The following PKNOX1 variants were observed in gnomAD, a reference collection of about 807,000 sequenced individuals.
PKNOX1 encodes the protein homeobox protein PKNOX1.
In PKNOX1, 15 loss-of-function variants were observed where a neutral mutation model predicts 51.9. The observed-to-expected ratio is 0.29, with a 90% CI of 0.19 to 0.45. PKNOX1 has a LOEUF of 0.45. Ranked by LOEUF, PKNOX1 falls within the 20% of genes least tolerant of loss-of-function variation. The pLI is 1.00. For synonymous variants in PKNOX1, 219 were observed against 211.1 expected (o/e 1.04, Z -0.32); for missense variants, 462 against 547.5 (o/e 0.84, Z 1.56).
At chr21:43,023,745 G>T (rs1017958422) in intron 8 of PKNOX1, among the ~76,000 whole-genome samples, 9 of 151,982 alleles carry the variant, frequency 5.9e-5, no homozygotes, top group Middle Eastern at 3.4e-3. Flanking sequence ...CTCCCGAATA[G>T]CTGGGACTAC....
chr21:42,987,404 A>AAATATAT, intron 1 of PKNOX1, among the ~76,000 whole-genome samples: 34 of 41,408 alleles, frequency 8.2e-4, no homozygotes, highest in Admixed American at 6.1e-4. Context: ...AAAAAAAAAA[A>AAATATAT]ATATATATAT....
At chr21:42,976,352 G>T (rs4920019) in intron 1 of PKNOX1, among the ~76,000 whole-genome samples, 136,232 of 152,260 alleles carry the variant, frequency 0.89, 61,070 homozygotes, top group Non-Finnish European at 0.91. Flanking sequence ...TTGACAATCT[G>T]GCCTCAGTGT....
At chr21:42,975,128 C>A (rs1423367088) in intron 1 of PKNOX1, among the ~76,000 whole-genome samples, 6 of 142,660 alleles carry the variant, frequency 4.2e-5, no homozygotes, top group African/African-American at 1.3e-4. Flanking sequence ...GGGGCCGGGG[C>A]GGGCGGCGCG....
At chr21:43,015,779 T>C (rs1979463453) in intron 5 of PKNOX1, among the ~76,000 whole-genome samples, 1 of 152,214 alleles carries the variant, frequency 6.6e-6, no homozygotes, top group Non-Finnish European at 1.5e-5. Flanking sequence ...TAGTGATCTC[T>C]TCCTGTTTTA....
intron 1 of PKNOX1, among the ~76,000 whole-genome samples, chr21:42,995,901 T>C (rs543605660): frequency 6.6e-6 from 1 of 152,232 alleles, no homozygotes; most frequent in African/African-American, 2.4e-5. Context: ...CATCTATTCA[T>C]TTATGTATTT....
chr21:43,000,070 A>G (rs1021281903), intron 1 of PKNOX1, among the ~76,000 whole-genome samples: 2 of 151,828 alleles, frequency 1.3e-5, no homozygotes, highest in African/African-American at 4.8e-5. Context: ...CCTGGACTTT[A>G]CTGTTCATAT....
chr21:42,992,738 C>A (rs13046560), intron 1 of PKNOX1, among the ~76,000 whole-genome samples: 1 of 143,350 alleles, frequency 7.0e-6, no homozygotes, highest in Non-Finnish European at 1.6e-5. Flanking sequence ...GGTTCCCTCA[C>A]AGCACTGGGG....
chr21:42,986,575 G>A (rs145803079), intron 1 of PKNOX1, among the ~76,000 whole-genome samples: 9 of 152,296 alleles, frequency 5.9e-5, no homozygotes, highest in African/African-American at 2.2e-4. Flanking sequence ...ACATCTCTTT[G>A]GAATAGGAGC....
rs186530628 is a variant in PKNOX1, at chr21:43,000,504, A to G, written c.-56-3822A>G. On this transcript the variant is annotated intron_variant, in intron 1 of 10. Transcript: ENST00000291547. Reference sequence around the variant, plus strand: ...AGATCTCATGTGAGACTTATTCACTATCAGGAGAACAACATGGGAAAGACT... The same window carrying G: ...AGATCTCATGTGAGACTTATTCACTGTCAGGAGAACAACATGGGAAAGACT... 4.6e-5 allele frequency among the ~76,000 whole-genome samples: 7 copies of G among 152,336 alleles called. No individual in the cohort carries two copies. In the East Asian group the frequency reaches 9.6e-4, roughly 21 times the overall value.
chr21:43,030,403 G>A lies in PKNOX1; in HGVS notation c.*302G>A. ...CACCTTGAATCCCTAATTAGATTAA[G>A]GAATAGCGCTGCCATTTTCTAAACC... On this transcript the variant is annotated 3_prime_UTR_variant, in exon 11 of 11. Coordinates refer to ENST00000291547, the MANE Select transcript of PKNOX1 (RefSeq NM_004571.5). 1 of 225,264 alleles carries A rather than the reference G, an allele frequency of 4.4e-6. No homozygotes were observed. The highest frequency in any genetic ancestry group is 8.6e-6 in the Non-Finnish European group (1 of 116,256). The allele number at this position is 225,264 out of a possible 1,614,324, so 14.0% of individuals were successfully genotyped here.
In PKNOX1 at chr21:43,032,023, G is replaced by T. The variant is rs1302153403; in HGVS notation, c.*1922G>T. ...ATTACAGGCATGCGCCACCACACCC[G>T]GCTAATTTTGTATTTTTAGTAGAGA... On this transcript the variant is annotated 3_prime_UTR_variant, in exon 11 of 11. Coordinates refer to ENST00000291547, the MANE Select transcript of PKNOX1 (RefSeq NM_004571.5). 1 of 369,656 alleles carries T rather than the reference G, an allele frequency of 2.7e-6. No individual in the cohort carries two copies. Among genetic ancestry groups the T allele is most frequent in the Admixed American group, 3.4e-5 (1 of 29,732 alleles). The allele number at this position is 369,656 out of a possible 1,614,324, so 22.9% of individuals were successfully genotyped here.
chr21:43,018,162 G>A lies in PKNOX1; in HGVS notation c.652G>A (p.Val218Ile), dbSNP rs377090331. ...GGTVYQPVTV[V>I]TPQGQVVTQT... ...CACAGTGTATCAGCCTGTCACGGTC[G>A]TCACTCCCCAAGGCCAAGTGGTCAC... The change falls in exon 7 of 11, where the codon GTC (valine) becomes ATC (isoleucine). Residue 218 changes from valine (V) to isoleucine (I), a missense_variant. Physicochemically the swap from Val to Ile is conservative, Grantham distance 29 (BLOSUM62 3). Transcript: ENST00000291547. 2.2e-5 allele frequency: 35 copies of A among 1,612,350 alleles called. No homozygotes were observed. Among genetic ancestry groups the A allele is most frequent in the Middle Eastern group, 3.3e-4 (2 of 6,078 alleles).
rs117163026 is a variant in PKNOX1 at position 42,980,902 on chromosome 21, C to T, written c.-57+6238C>T. On this transcript the variant is annotated intron_variant, in intron 1 of 10. Coordinates refer to ENST00000291547, the MANE Select transcript of PKNOX1 (RefSeq NM_004571.5). ...TTTTGCCTTTTATCATTCATGTTCA[C>T]AAATACCAAGTTGATTTACTCTCAG... Among the ~76,000 whole-genome samples the T allele has an allele frequency of 1.8e-4, 27 of 152,318 alleles. 1 individual carries two copies. In the East Asian group the frequency reaches 5.0e-3, roughly 28 times the overall value.
At chr21:42,985,177 A>G (rs963891128) in intron 1 of PKNOX1, among the ~76,000 whole-genome samples, 4 of 151,460 alleles carry the variant, frequency 2.6e-5, no homozygotes, top group African/African-American at 4.9e-5. Flanking sequence ...CAGTAGAGAC[A>G]GGTTTCACCA....
chr21:43,032,472 G>T lies in PKNOX1; in HGVS notation c.*2371G>T. 1.5e-5 allele frequency: 4 copies of T among 272,524 alleles called. No homozygotes were observed. Among genetic ancestry groups the T allele is most frequent in the South Asian group, 1.1e-4 (3 of 27,994 alleles). The allele number at this position is 272,524 out of a possible 1,614,324, so 16.9% of individuals were successfully genotyped here. ...GATTGAATTTAAGAGTGCTGCCCCTGCCCGGCGCAGTAGGGCGTGCCTCTA... is the reference window on the plus strand; with the variant it reads ...GATTGAATTTAAGAGTGCTGCCCCTTCCCGGCGCAGTAGGGCGTGCCTCTA... On this transcript the variant is annotated 3_prime_UTR_variant, in exon 11 of 11. Transcript: ENST00000291547.
At chr21:43,007,881 T>C (rs1601289999) in intron 3 of PKNOX1, among the ~76,000 whole-genome samples, 1 of 152,056 alleles carries the variant, frequency 6.6e-6, no homozygotes, top group East Asian at 1.9e-4. Flanking sequence ...CTGGCCAACA[T>C]GGTGAAACTC....
rs1980230807 is a variant in PKNOX1, at chr21:43,030,782, G to A, written c.*681G>A. On this transcript the variant is annotated 3_prime_UTR_variant, in exon 11 of 11. Coordinates refer to ENST00000291547, the MANE Select transcript of PKNOX1 (RefSeq NM_004571.5). ...TCTAGAGAAGAAACAATACATGCTT[G>A]CTATTAATATTTCAATTTGGAATGT... 1 of 152,318 alleles carries A rather than the reference G, an allele frequency of 6.6e-6. No homozygotes were observed. The highest frequency in any genetic ancestry group is 2.1e-4 in the South Asian group (1 of 4,834). The allele number at this position is 152,318 out of a possible 1,614,324, so 9.4% of individuals were successfully genotyped here. A position where few individuals can be genotyped will look rare whatever the true frequency, so the allele number is the denominator to read the frequency against.
Position 43,013,251 on chromosome 21 carries a change from G to C in PKNOX1, c.522+13G>C. ...AGTGCAGTCCCAGGTACTTACATTT[G>C]GGGGTCTCGCTTTCCCTCTCTGCCA... On this transcript the variant is annotated intron_variant, in intron 5 of 10. Coordinates refer to ENST00000291547, the MANE Select transcript of PKNOX1 (RefSeq NM_004571.5). 1.3e-6 allele frequency: 2 copies of C among 1,555,936 alleles called. No homozygotes were observed. Among genetic ancestry groups the C allele is most frequent in the Non-Finnish European group, 1.7e-6 (2 of 1,147,080 alleles).
rs371452928 is a variant in PKNOX1, at chr21:43,022,515, G to A, written c.849+1084G>A. On this transcript the variant is annotated intron_variant, in intron 8 of 10. Coordinates refer to ENST00000291547, the MANE Select transcript of PKNOX1 (RefSeq NM_004571.5). ...AGAAGGGCCCTCTCCTGGGCAGAAGGCCTGGCAGGAGCCTGGGCTGCGCCT... is the reference window on the plus strand; with the variant it reads ...AGAAGGGCCCTCTCCTGGGCAGAAGACCTGGCAGGAGCCTGGGCTGCGCCT... 8.5e-5 allele frequency among the ~76,000 whole-genome samples: 13 copies of A among 152,258 alleles called. No homozygotes were observed. The East Asian group carries it at 1.9e-3, about 23-fold the overall frequency.
Sources: gnomAD v4.1 joint callset for allele counts (sites outside exome capture counted in the v4.1 genomes callset) on GRCh38, gnomAD v4.1.1 for gene constraint, MANE v1.5 for transcripts, NCBI Gene and HGNC (gene_info 2026-07-23, HGNC 2026-07-21) for gene names.